The following GRID2 variants were observed in gnomAD, a reference collection of about 807,000 sequenced individuals.
The protein encoded by GRID2 is glutamate receptor ionotropic, delta-2.
A neutral mutation model predicts 114.8 loss-of-function variants in GRID2; 33 were observed. That is an observed-to-expected ratio of 0.29 (90% CI 0.22 to 0.38). The LOEUF (loss-of-function observed/expected upper bound fraction) is 0.38. Among genes scored for constraint, GRID2 ranks in the 10% least tolerant of loss-of-function variants. GRID2 has a pLI of 1.00. For synonymous variants in GRID2, 505 were observed against 449.9 expected, an observed-to-expected ratio of 1.12 and a Z score of -1.55; for missense variants, 1,184 against 1,257.7, an observed-to-expected ratio of 0.94 and a Z score of 0.89.
intron 14 of GRID2, 50 bp from the exon 15 acceptor site, chr4:93,769,160 G>C: frequency 6.3e-7 from 1 of 1,597,926 alleles, no homozygotes; most frequent in East Asian, 2.2e-5. Flanking sequence ...TTGTGAACCA[G>C]GGCGATAACT....
chr4:92,755,308 G>T (rs536640022), intron 2 of GRID2, among the ~76,000 whole-genome samples: 2 of 152,126 alleles, frequency 1.3e-5, no homozygotes, highest in Non-Finnish European at 2.9e-5. Flanking sequence ...TCTTAGCACT[G>T]GGGATACAGT....
At chr4:93,115,635 A>C (rs1847262) in intron 4 of GRID2, among the ~76,000 whole-genome samples, 10,950 of 152,158 alleles carry the variant, frequency 0.072, 585 homozygotes, top group African/African-American at 0.14. Flanking sequence ...ATTTATAAAG[A>C]AAAAGAGGTT....
chr4:93,150,415 G>C (rs56019979), intron 4 of GRID2, among the ~76,000 whole-genome samples: 1 of 151,978 alleles, frequency 6.6e-6, no homozygotes, highest in African/African-American at 2.4e-5. Context: ...CAGGTAGCAC[G>C]GGAATAAGGA....
chr4:92,785,286 A>C (rs932968987), intron 2 of GRID2, among the ~76,000 whole-genome samples: 19 of 151,550 alleles, frequency 1.3e-4, no homozygotes, highest in African/African-American at 4.1e-4. Flanking sequence ...CAATATTAAA[A>C]TATTCTGCAA....
At chr4:93,691,018 T>C (rs1578581078) in intron 14 of GRID2, among the ~76,000 whole-genome samples, 1 of 150,236 alleles carries the variant, frequency 6.7e-6, no homozygotes, top group Non-Finnish European at 1.5e-5. Flanking sequence ...ATATTATATA[T>C]GTATTTAGTC....
intron 1 of GRID2, among the ~76,000 whole-genome samples, chr4:92,530,109 G>C (rs1725256870): frequency 6.6e-6 from 1 of 151,738 alleles, no homozygotes; most frequent in African/African-American, 2.4e-5. Flanking sequence ...TCTAGGTACT[G>C]ATTTTATGCA....
intron 14 of GRID2, among the ~76,000 whole-genome samples, chr4:93,660,786 C>T (rs1723421055): frequency 6.6e-6 from 1 of 151,986 alleles, no homozygotes; most frequent in Non-Finnish European, 1.5e-5. Flanking sequence ...CAGCATGAGC[C>T]TTATGTTTTC....
At position 93,216,754 on chromosome 4, in the gene GRID2, A is replaced by T. The variant is rs1268349440; in HGVS notation, c.806A>T (p.Asp269Val). 6 of 1,609,080 alleles carry T rather than the reference A, an allele frequency of 3.7e-6. No individual in the cohort carries two copies. In the Admixed American group the frequency reaches 8.3e-5, roughly 22 times the overall value. The change falls in exon 6 of 16, where the codon GAC (aspartate) becomes GTC (valine). Residue 269 changes from aspartate (D) to valine (V), a missense_variant. By Grantham distance (152) the Asp-to-Val change is radical. Around this residue, in one of 3 missense-constraint regions of GRID2, gnomAD observed 455 missense variants for 429.5 expected, o/e 1.06. Coordinates refer to ENST00000282020, the MANE Select transcript of GRID2 (RefSeq NM_001510.4). ...IIINEEINDVDVQELVRRSIG... is the reference protein window; with the variant it reads ...IIINEEINDVVVQELVRRSIG... ...ATCTTATAGGAAATAAACGATGTGGACGTACAGGAACTTGTAAGAAGGTCA... is the reference window on the plus strand; with the variant it reads ...ATCTTATAGGAAATAAACGATGTGGTCGTACAGGAACTTGTAAGAAGGTCA...
At chr4:92,519,462 G>A (rs1464727071) in intron 1 of GRID2, among the ~76,000 whole-genome samples, 4 of 151,476 alleles carry the variant, frequency 2.6e-5, no homozygotes, top group East Asian at 2.0e-4. Context: ...CCTAGAAAAC[G>A]TAATTTTATG....
chr4:92,326,170 C>T (rs958062176), intron 1 of GRID2, among the ~76,000 whole-genome samples: 1 of 151,784 alleles, frequency 6.6e-6, no homozygotes, highest in African/African-American at 2.4e-5. Flanking sequence ...CAGAATTGAG[C>T]TATCACTGCA....
chr4:92,853,279 AATTG>A (rs1407609772), intron 2 of GRID2, among the ~76,000 whole-genome samples: 2 of 152,054 alleles, frequency 1.3e-5, no homozygotes, highest in Non-Finnish European at 2.9e-5. Flanking sequence ...TCAAATAAAT[AATTG>A]ATTAAGACAA....
chr4:92,775,396 G>T (rs2149354868), intron 2 of GRID2, among the ~76,000 whole-genome samples: 1 of 152,248 alleles, frequency 6.6e-6, no homozygotes, highest in African/African-American at 2.4e-5. Context: ...ACCATCAAGT[G>T]CAAGTAACTT....
intron 2 of GRID2, among the ~76,000 whole-genome samples, chr4:92,931,342 G>A (rs560990810): frequency 5.3e-5 from 8 of 150,588 alleles, no homozygotes; most frequent in Non-Finnish European, 8.9e-5. Context: ...TTTCTGAAGG[G>A]CATTTATGAA....
intron 2 of GRID2, among the ~76,000 whole-genome samples, chr4:93,017,214 CA>C (rs1722833955): frequency 6.6e-6 from 1 of 152,082 alleles, no homozygotes; most frequent in Non-Finnish European, 1.5e-5. Context: ...ACAAATTACT[CA>C]ATAGCAATTT....
At chr4:93,212,010 T>C (rs183672182) in intron 5 of GRID2, among the ~76,000 whole-genome samples, 38 of 152,242 alleles carry the variant, frequency 2.5e-4, no homozygotes, top group African/African-American at 8.9e-4. Flanking sequence ...TGCTTGTTTA[T>C]GGGAATTTAT....
chr4:93,749,766 C>A (rs1026487414), intron 14 of GRID2, among the ~76,000 whole-genome samples: 2 of 152,202 alleles, frequency 1.3e-5, no homozygotes, highest in African/African-American at 4.8e-5. Context: ...GAAACCCTCA[C>A]AATGCTTTTT....
intron 1 of GRID2, among the ~76,000 whole-genome samples, chr4:92,444,964 G>A (rs559518971): frequency 3.9e-5 from 6 of 151,990 alleles, no homozygotes; most frequent in Non-Finnish European, 8.8e-5. Context: ...GTTTTGTCAC[G>A]TATGCCATAT....
intron 1 of GRID2, among the ~76,000 whole-genome samples, chr4:92,422,280 C>T (rs1374797735): frequency 6.6e-6 from 1 of 152,024 alleles, no homozygotes; most frequent in Non-Finnish European, 1.5e-5. Flanking sequence ...GTTCTAGGAG[C>T]AGATTTAGAG....
intron 1 of GRID2, among the ~76,000 whole-genome samples, chr4:92,454,963 G>A (rs779950370): frequency 6.6e-6 from 1 of 152,160 alleles, no homozygotes. Context: ...TTATTTCTAA[G>A]AGGTTGATTT....
Sources: allele counts gnomAD v4.1 joint callset (sites outside exome capture counted in the v4.1 genomes callset), GRCh38; gene constraint gnomAD v4.1.1; regional missense constraint gnomAD v4.1.1; transcripts MANE v1.5; gene names NCBI Gene and HGNC (gene_info 2026-07-23, HGNC 2026-07-21).